The following LRFN5 variants were observed in gnomAD, a reference collection of about 807,000 sequenced individuals.
LRFN5 encodes leucine rich repeat and fibronectin type III domain containing 5.
A neutral mutation model predicts 45.6 loss-of-function variants in LRFN5; 24 were observed. The observed-to-expected ratio is 0.53, with a 90% CI of 0.38 to 0.74. LRFN5 has a LOEUF of 0.74. Among genes scored for constraint, LRFN5 ranks in the 30% least tolerant of loss-of-function variants. LRFN5 has a pLI of 0.00. For synonymous variants in LRFN5, 340 were observed against 313.8 expected (o/e 1.08, Z -0.88); for missense variants, 776 against 861.5 (o/e 0.90, Z 1.24).
intron 1 of LRFN5, chr14:41,699,434 G>T (rs1482924629): frequency 6.6e-6 from 1 of 152,090 alleles, no homozygotes; most frequent in Non-Finnish European, 1.5e-5. Context: ...ATAAACTTCA[G>T]TGAGAGATAG....
At chr14:41,869,540 G>A (rs556097319) in intron 2 of LRFN5, among the ~76,000 whole-genome samples, 2 of 151,926 alleles carry the variant, frequency 1.3e-5, no homozygotes, top group East Asian at 3.9e-4. Context: ...TACTATTTTA[G>A]TTTTAGTTTT....
At chr14:41,678,282 A>G (rs1292058715) in intron 1 of LRFN5, among the ~76,000 whole-genome samples, 2 of 152,000 alleles carry the variant, frequency 1.3e-5, no homozygotes, top group East Asian at 1.9e-4. Context: ...ATACATATAT[A>G]TATATTCCGT....
At chr14:41,814,083 T>G (rs1300653366) in intron 2 of LRFN5, among the ~76,000 whole-genome samples, 1 of 129,884 alleles carries the variant, frequency 7.7e-6, no homozygotes, top group Non-Finnish European at 1.7e-5. Context: ...ATGGACAGAT[T>G]GCAAAATTTT....
chr14:41,706,400 G>T (rs574341358), intron 1 of LRFN5, among the ~76,000 whole-genome samples: 1 of 151,812 alleles, frequency 6.6e-6, no homozygotes, highest in African/African-American at 2.4e-5. Context: ...ATGTCCGGCC[G>T]TTTCTGTACT....
chr14:41,870,741 C>G (rs1433905131), intron 2 of LRFN5, among the ~76,000 whole-genome samples: 1 of 152,098 alleles, frequency 6.6e-6, no homozygotes, highest in Non-Finnish European at 1.5e-5. Flanking sequence ...ATACAAACTG[C>G]CTTTTTTTAC....
rs184273119 is a variant in LRFN5 at position 41,882,257 on chromosome 14, A to T, written c.-20-4349A>T. 4.6e-5 allele frequency among the ~76,000 whole-genome samples: 7 copies of T among 151,750 alleles called. No homozygotes were observed. The East Asian group carries it at 1.4e-3, about 29-fold the overall frequency. Reference sequence around the variant, plus strand: ...ATTTTTTTTTCTTTTGGCTGCACCTACCCCACAGTCTACGAAGGTGGAAAT... The same window carrying T: ...ATTTTTTTTTCTTTTGGCTGCACCTTCCCCACAGTCTACGAAGGTGGAAAT... On this transcript the variant is annotated intron_variant, in intron 2 of 5. Coordinates refer to ENST00000298119, the MANE Select transcript of LRFN5 (RefSeq NM_152447.5).
chr14:41,840,156 C>A (rs1356778832), intron 2 of LRFN5, among the ~76,000 whole-genome samples: 1 of 152,076 alleles, frequency 6.6e-6, no homozygotes, highest in Non-Finnish European at 1.5e-5. Flanking sequence ...AAATAATCCA[C>A]AATGTCCTAA....
At chr14:41,655,918 G>T (rs1382073917) in intron 1 of LRFN5, among the ~76,000 whole-genome samples, 1 of 151,964 alleles carries the variant, frequency 6.6e-6, no homozygotes, top group Non-Finnish European at 1.5e-5. Context: ...TAGCACATAA[G>T]TGCTCAATAA....
At chr14:41,722,444 G>T (rs1261537955) in intron 1 of LRFN5, among the ~76,000 whole-genome samples, 1 of 151,996 alleles carries the variant, frequency 6.6e-6, no homozygotes, top group African/African-American at 2.4e-5. Context: ...ATTTTTCATG[G>T]TTCCAGAATT....
At chr14:41,732,331 T>C (rs968464986) in intron 1 of LRFN5, among the ~76,000 whole-genome samples, 9 of 152,184 alleles carry the variant, frequency 5.9e-5, no homozygotes, top group Non-Finnish European at 1.3e-4. Flanking sequence ...TTGTAAGTCT[T>C]CTGCTTCTGG....
rs1292537095 is a variant in LRFN5 at position 41,690,392 on chromosome 14, A to T, written c.-196-76462A>T. Among the ~76,000 whole-genome samples, 3 of 152,082 alleles carry T rather than the reference A, an allele frequency of 2.0e-5. No individual in the cohort carries two copies. The East Asian group carries it at 5.8e-4, about 29-fold the overall frequency. On this transcript the variant is annotated intron_variant, in intron 1 of 5. Transcript: ENST00000298119. ...AACATGATGAAACATCATCTCTACT[A>T]AAAATACAAAATTAGCCGGGCATGG... is the stretch of plus-strand genomic sequence containing the variant.
intron 2 of LRFN5, among the ~76,000 whole-genome samples, chr14:41,859,213 A>G (rs1889577577): frequency 6.6e-6 from 1 of 152,206 alleles, no homozygotes; most frequent in Admixed American, 6.5e-5. Context: ...TCTCCAGCAT[A>G]CCACTGGATT....
chr14:41,650,234 A>C (rs1373262518), intron 1 of LRFN5, among the ~76,000 whole-genome samples: 3 of 56,824 alleles, frequency 5.3e-5, no homozygotes, highest in Non-Finnish European at 1.0e-4. Flanking sequence ...TATCTACAAA[A>C]ATACACACAC....
intron 2 of LRFN5, among the ~76,000 whole-genome samples, chr14:41,795,992 A>G (rs1887114832): frequency 6.6e-6 from 1 of 151,978 alleles, no homozygotes; most frequent in South Asian, 2.1e-4. Flanking sequence ...GACACTTTTT[A>G]TCTTAGTAAT....
chr14:41,892,661 C>A lies in LRFN5; in HGVS notation c.2098+699C>A. ...TAAAATACAATATTCAATTAGTATA[C>A]CGAGTTAATGTTAAAATTAGTTCAC... On this transcript the variant is annotated intron_variant, in intron 4 of 5. Transcript: ENST00000298119. The A allele has an allele frequency of 4.1e-6, 4 of 984,334 alleles. No homozygotes were observed. The South Asian group carries it at 1.9e-4, about 46-fold the overall frequency. The allele number at this position is 984,334 out of a possible 1,614,324, so 61.0% of individuals were successfully genotyped here. A position where few individuals can be genotyped will look rare whatever the true frequency, so the allele number is the denominator to read the frequency against.
chr14:41,728,154 T>A (rs979367567), intron 1 of LRFN5, among the ~76,000 whole-genome samples: 2 of 152,168 alleles, frequency 1.3e-5, no homozygotes, highest in Admixed American at 6.6e-5. Flanking sequence ...TTGAGCAATC[T>A]TCCATTAGTC....
intron 2 of LRFN5, among the ~76,000 whole-genome samples, chr14:41,785,309 T>G (rs1886678649): frequency 1.3e-5 from 2 of 152,094 alleles, no homozygotes; most frequent in African/African-American, 4.8e-5. Flanking sequence ...TTATTTTTGT[T>G]CTATTTGTCC....
chr14:41,778,062 T>G (rs1327435652), intron 2 of LRFN5, among the ~76,000 whole-genome samples: 4 of 151,368 alleles, frequency 2.6e-5, no homozygotes, highest in Admixed American at 6.6e-5. Flanking sequence ...ATCTCAATAT[T>G]TGATAATTTT....
chr14:41,808,008 T>A (rs1423469496), intron 2 of LRFN5, among the ~76,000 whole-genome samples: 1 of 151,352 alleles, frequency 6.6e-6, no homozygotes, highest in African/African-American at 2.4e-5. Context: ...AAATGTGCTG[T>A]TTAAAGTTTG....
Sources: gnomAD v4.1 joint callset for allele counts (sites outside exome capture counted in the v4.1 genomes callset) on GRCh38, gnomAD v4.1.1 for gene constraint, MANE v1.5 for transcripts, NCBI Gene and HGNC (gene_info 2026-07-23, HGNC 2026-07-21) for gene names.